ASTN2: variants seen among roughly 807,000 people sequenced by gnomAD.
The protein encoded by ASTN2 is astrotactin-2.
In ASTN2, 54 loss-of-function variants were observed where a neutral mutation model predicts 139.8. That is an observed-to-expected ratio of 0.39 (90% confidence interval 0.31 to 0.48). ASTN2 has a LOEUF of 0.48. Among genes scored for constraint, ASTN2 ranks in the 20% least tolerant of loss-of-function variants. The pLI is 0.95. For missense variants in ASTN2, 1,565 were observed against 1,725.1 expected, an observed-to-expected ratio of 0.91 and a Z score of 1.64; for synonymous variants, 756 against 719.5, an observed-to-expected ratio of 1.05 and a Z score of -0.81.
chr9:117,372,755 C>T (rs1830021844), intron 1 of ASTN2, among the ~76,000 whole-genome samples: 1 of 151,828 alleles, frequency 6.6e-6, no homozygotes, highest in South Asian at 2.1e-4. Context: ...TGCACCAAAC[C>T]CTTAGGGTTT....
rs139488503 is a variant in ASTN2 at position 117,262,062 on chromosome 9, A to G, written c.630+29264T>C. 5.1e-4 allele frequency among the ~76,000 whole-genome samples: 77 copies of G among 152,334 alleles called. No homozygotes were observed. In the East Asian group the frequency reaches 0.014, roughly 28 times the overall value. ...ATTATCCTAATGGCCTCTATCATTT[A>G]GGAATCAGAGAACGACATAAACAAA... is the stretch of plus-strand genomic sequence containing the variant. On this transcript the variant is annotated intron_variant, in intron 2 of 22. Coordinates refer to ENST00000313400, the MANE Select transcript of ASTN2 (RefSeq NM_001365068.1).
chr9:117,277,496 C>T (rs1055999276), intron 2 of ASTN2, among the ~76,000 whole-genome samples: 2 of 151,976 alleles, frequency 1.3e-5, no homozygotes, highest in African/African-American at 2.4e-5. Context: ...ATTGGTACAG[C>T]CATTATGGAA....
chr9:116,663,317 T>C (rs372061137), intron 16 of ASTN2, among the ~76,000 whole-genome samples: 1 of 152,090 alleles, frequency 6.6e-6, no homozygotes, highest in Non-Finnish European at 1.5e-5. Context: ...GAGGCCACTT[T>C]GGGGCCAGGG....
intron 10 of ASTN2, among the ~76,000 whole-genome samples, chr9:116,929,689 T>G (rs913730267): frequency 6.6e-6 from 1 of 152,162 alleles, no homozygotes; most frequent in African/African-American, 2.4e-5. Flanking sequence ...CACAAACTGA[T>G]AGACAGCTGC....
At chr9:117,212,125 G>A (rs1832154612) in intron 3 of ASTN2, among the ~76,000 whole-genome samples, 2 of 152,126 alleles carry the variant, frequency 1.3e-5, no homozygotes, top group African/African-American at 4.8e-5. Flanking sequence ...ACAGTCTACT[G>A]ACTTTTTACA....
chr9:117,201,375 A>G (rs561402257), intron 3 of ASTN2, among the ~76,000 whole-genome samples: 18 of 150,808 alleles, frequency 1.2e-4, no homozygotes, highest in African/African-American at 3.9e-4. Flanking sequence ...ATCTCCTTCA[A>G]TTCTTCTCTG....
intron 10 of ASTN2, among the ~76,000 whole-genome samples, chr9:116,884,278 G>C (rs1222948086): frequency 6.6e-6 from 1 of 152,156 alleles, no homozygotes; most frequent in East Asian, 1.9e-4. Flanking sequence ...GATTCCAAGA[G>C]AAGGGGATTC....
intron 5 of ASTN2, among the ~76,000 whole-genome samples, chr9:117,048,997 C>A: frequency 1.3e-5 from 1 of 78,706 alleles, no homozygotes; most frequent in African/African-American, 4.2e-5. Context: ...GAGTCTTGCT[C>A]TGTTGCCCTG....
At chr9:116,636,115 A>C (rs751996217) in intron 17 of ASTN2, among the ~76,000 whole-genome samples, 1 of 152,200 alleles carries the variant, frequency 6.6e-6, no homozygotes, top group Non-Finnish European at 1.5e-5. Context: ...CAGACAAACA[A>C]GGGTTTAAAT....
chr9:116,754,199 C>T (rs1046642581), intron 13 of ASTN2, among the ~76,000 whole-genome samples: 1 of 152,002 alleles, frequency 6.6e-6, no homozygotes, highest in African/African-American at 2.4e-5. Context: ...TTTTCTTTTT[C>T]CAGTCTATCA....
At chr9:117,262,397 T>TTTTATTTA (rs60952646) in intron 2 of ASTN2, among the ~76,000 whole-genome samples, 27 of 123,514 alleles carry the variant, frequency 2.2e-4, no homozygotes, top group African/African-American at 5.6e-4. Flanking sequence ...CTGTTTCTTT[T>TTTTATTTA]TTTATTTATT....
intron 19 of ASTN2, among the ~76,000 whole-genome samples, chr9:116,517,095 T>A (rs898524443): frequency 1.3e-5 from 2 of 152,198 alleles, no homozygotes; most frequent in Non-Finnish European, 2.9e-5. Context: ...GCCTACCACC[T>A]GAGAAACCTG....
At chr9:117,100,062 T>C (rs1479642104) in intron 4 of ASTN2, among the ~76,000 whole-genome samples, 1 of 152,224 alleles carries the variant, frequency 6.6e-6, no homozygotes, top group African/African-American at 2.4e-5. Context: ...TGTTGACCAC[T>C]AAGGATTAGC....
chr9:116,969,323 A>G (rs1334578318), intron 10 of ASTN2, among the ~76,000 whole-genome samples: 1 of 152,208 alleles, frequency 6.6e-6, no homozygotes, highest in African/African-American at 2.4e-5. Context: ...TTTGTGCCTC[A>G]GTTTCCTCAT....
chr9:117,065,790 TA>T (rs1434322544), intron 5 of ASTN2, among the ~76,000 whole-genome samples: 7 of 152,138 alleles, frequency 4.6e-5, no homozygotes, highest in Non-Finnish European at 8.8e-5. Flanking sequence ...TGAAGTCTAT[TA>T]AAGAGACTCA....
At chr9:116,771,198 C>CA (rs1301919325) in intron 13 of ASTN2, among the ~76,000 whole-genome samples, 2 of 152,136 alleles carry the variant, frequency 1.3e-5, no homozygotes, top group African/African-American at 4.8e-5. Context: ...CTTCCTCTAT[C>CA]ATCACACAGG....
At chr9:117,227,524 G>A (rs1588109262) in intron 2 of ASTN2, among the ~76,000 whole-genome samples, 1 of 152,264 alleles carries the variant, frequency 6.6e-6, no homozygotes, top group East Asian at 1.9e-4. Context: ...GAATACATGA[G>A]TAAATAGATA....
intron 1 of ASTN2, among the ~76,000 whole-genome samples, chr9:117,396,521 T>A (rs1367300866): frequency 6.6e-6 from 1 of 152,158 alleles, no homozygotes; most frequent in Non-Finnish European, 1.5e-5. Context: ...TTTATTTTTG[T>A]GTGTATATTG....
intron 1 of ASTN2, among the ~76,000 whole-genome samples, chr9:117,381,794 A>G (rs1830277742): frequency 6.6e-6 from 1 of 152,174 alleles, no homozygotes; most frequent in Non-Finnish European, 1.5e-5. Context: ...TAAATTTTAC[A>G]CCTTTAATAG....
Sources: gnomAD v4.1 joint callset for allele counts (sites outside exome capture counted in the v4.1 genomes callset) on GRCh38, gnomAD v4.1.1 for gene constraint, MANE v1.5 for transcripts, NCBI Gene and HGNC (gene_info 2026-07-23, HGNC 2026-07-21) for gene names.